VEPH1: variants seen among roughly 807,000 people sequenced by gnomAD.
VEPH1 encodes the protein ventricular zone expressed PH domain containing 1.
In VEPH1, 80 loss-of-function variants were observed where a neutral mutation model predicts 85.2. The observed-to-expected ratio is 0.94, with a 90% CI of 0.78 to 1.13. The LOEUF is 1.13. VEPH1 is among the 50% of genes most tolerant of loss of function. VEPH1 has a pLI of 0.00. For missense variants in VEPH1, 955 were observed against 980.5 expected, an observed-to-expected ratio of 0.97 and a Z score of 0.35; for synonymous variants, 297 against 348.0, an observed-to-expected ratio of 0.85 and a Z score of 1.63.
At chr3:157,276,109 TA>T (rs1380831331) in intron 12 of VEPH1, among the ~76,000 whole-genome samples, 10 of 152,204 alleles carry the variant, frequency 6.6e-5, no homozygotes, top group Non-Finnish European at 1.5e-4. Context: ...ACTGACTTTG[TA>T]ACATCCTACA....
chr3:157,478,662 G>A (rs1163024098), intron 2 of VEPH1, among the ~76,000 whole-genome samples: 1 of 148,486 alleles, frequency 6.7e-6, no homozygotes, highest in Non-Finnish European at 1.5e-5. Flanking sequence ...AAGCCATTGT[G>A]TACAGGATCG....
intron 12 of VEPH1, among the ~76,000 whole-genome samples, chr3:157,276,460 C>T (rs1715400327): frequency 6.6e-6 from 1 of 152,182 alleles, no homozygotes; most frequent in Admixed American, 6.5e-5. Context: ...ACAAGGTCCA[C>T]AGGTGATTCT....
chr3:157,432,677 A>G (rs79506548), intron 4 of VEPH1, among the ~76,000 whole-genome samples: 1 of 152,150 alleles, frequency 6.6e-6, no homozygotes, highest in African/African-American at 2.4e-5. Context: ...CAATAATTTT[A>G]TAATAAATCA....
chr3:157,330,227 C>A (rs1722352851), intron 9 of VEPH1, among the ~76,000 whole-genome samples: 2 of 152,170 alleles, frequency 1.3e-5, no homozygotes. Context: ...TTGAGATTAG[C>A]AAGACCTCTA....
Position 157,481,433 on chromosome 3 carries a change from AAC to A in VEPH1, c.139-10906_139-10905del, listed in dbSNP as rs1177654727. Among the ~76,000 whole-genome samples the A allele has an allele frequency of 5.8e-3, 223 of 38,654 alleles. 1 individual carries two copies. Among genetic ancestry groups the A allele is most frequent in the East Asian group, 0.013 (12 of 920 alleles). The allele number at this position is 38,654 out of a possible 152,430, so 25.4% of individuals were successfully genotyped here. ...CTATTCTAAAATTCATATGGAACCA[AAC>A]ACACACACACACACACACACACACA... On this transcript the variant is annotated intron_variant, in intron 2 of 13. Coordinates refer to ENST00000362010, the MANE Select transcript of VEPH1 (RefSeq NM_001167912.2).
intron 6 of VEPH1, among the ~76,000 whole-genome samples, chr3:157,399,899 T>A (rs1730682438): frequency 6.6e-6 from 1 of 152,134 alleles, no homozygotes; most frequent in South Asian, 2.1e-4. Flanking sequence ...TGAGCCGATT[T>A]TTAGAATAGC....
Position 157,364,298 on chromosome 3 carries a change from T to A in VEPH1, c.1337+5A>T. 1.3e-6 allele frequency: 2 copies of A among 1,591,784 alleles called. No individual in the cohort carries two copies. Among genetic ancestry groups the A allele is most frequent in the Non-Finnish European group, 1.7e-6 (2 of 1,164,616 alleles). On this transcript the variant is annotated splice_donor_5th_base_variant and intron_variant, in intron 8 of 13. Coordinates refer to ENST00000362010, the MANE Select transcript of VEPH1 (RefSeq NM_001167912.2). ...GATTTAAAAAACAAACCAAACGAGT[T>A]ATACCTGTTAAATCTAATGTTTTTT...
chr3:157,485,778 A>G (rs1460451723), intron 2 of VEPH1, among the ~76,000 whole-genome samples: 1 of 152,088 alleles, frequency 6.6e-6, no homozygotes, highest in African/African-American at 2.4e-5. Context: ...CATTAAAGTC[A>G]TCATGACATA....
At chr3:157,345,816 G>A (rs1724149987) in intron 9 of VEPH1, among the ~76,000 whole-genome samples, 1 of 152,190 alleles carries the variant, frequency 6.6e-6, no homozygotes, top group African/African-American at 2.4e-5. Context: ...TTAAGAAAAT[G>A]TGGCATATAT....
intron 9 of VEPH1, among the ~76,000 whole-genome samples, chr3:157,348,171 G>A (rs200542022): frequency 1.3e-5 from 2 of 152,298 alleles, no homozygotes; most frequent in East Asian, 1.9e-4. Context: ...CCTGCCTTGA[G>A]CTGACTAAAC....
rs57109409 is a variant in VEPH1 at position 157,467,125 on chromosome 3, ATGTG to A, written c.354+3185_354+3188del. ...CAAAAAGAAAAGTGTGTGTGTGTGT[ATGTG>A]TGTGTGTGTGTGTGTGTGTGTACAC... On this transcript the variant is annotated intron_variant, in intron 3 of 13. Coordinates refer to ENST00000362010, the MANE Select transcript of VEPH1 (RefSeq NM_001167912.2). 6.2e-5 allele frequency among the ~76,000 whole-genome samples: 9 copies of A among 145,440 alleles called. No individual in the cohort carries two copies. In the South Asian group the frequency reaches 8.7e-4, roughly 14 times the overall value.
intron 6 of VEPH1, among the ~76,000 whole-genome samples, chr3:157,402,024 T>C (rs1730824841): frequency 6.6e-6 from 1 of 152,180 alleles, no homozygotes; most frequent in Non-Finnish European, 1.5e-5. Context: ...TAGATAGGGT[T>C]ATGTTGAGAT....
chr3:157,407,343 G>A (rs775189578), intron 6 of VEPH1, among the ~76,000 whole-genome samples: 15 of 152,244 alleles, frequency 9.9e-5, no homozygotes, highest in Admixed American at 4.6e-4. Flanking sequence ...GGAAAGCAAT[G>A]TACTTCCAGT....
At chr3:157,373,745 C>T (rs78813517) in intron 7 of VEPH1, among the ~76,000 whole-genome samples, 3 of 152,300 alleles carry the variant, frequency 2.0e-5, no homozygotes, top group South Asian at 2.1e-4. Context: ...GGGAAGCCAG[C>T]GCATGGGTGC....
rs1156451280 is a variant in VEPH1, at chr3:157,495,270, T to C, written c.80A>G (p.Glu27Gly). ...AGDLFSLDDSEIEDSLTEALE... is the reference protein window; with the variant it reads ...AGDLFSLDDSGIEDSLTEALE... ...AGCTTCTGTAAGGCTGTCTTCAATC[T>C]CAGAGTCATCTAAGGAGAAGAGGTC... Residue 27 changes from glutamate to glycine, a missense_variant, in exon 2 of 14, where the codon GAG (glutamate) becomes GGG (glycine). Coordinates refer to ENST00000362010, the MANE Select transcript of VEPH1 (RefSeq NM_001167912.2). The C allele has an allele frequency of 1.1e-5, 17 of 1,614,050 alleles. No individual in the cohort carries two copies. The highest frequency in any genetic ancestry group is 1.4e-5 in the Non-Finnish European group (16 of 1,179,918).
intron 2 of VEPH1, among the ~76,000 whole-genome samples, chr3:157,472,850 T>C (rs1404762120): frequency 6.6e-6 from 1 of 152,096 alleles, no homozygotes; most frequent in Non-Finnish European, 1.5e-5. Flanking sequence ...ATGATCTTGC[T>C]CTTTTTTACG....
In VEPH1 at chr3:157,314,433, T is replaced by G. The variant is rs558335247; in HGVS notation, c.1876-678A>C. Reference sequence around the variant, plus strand: ...TTTTTTAACAGAAATTTAAAATTATTTCATAGTATTTTCAAGGCAGTTGAT... The same window carrying G: ...TTTTTTAACAGAAATTTAAAATTATGTCATAGTATTTTCAAGGCAGTTGAT... On this transcript the variant is annotated intron_variant, in intron 10 of 13. Transcript: ENST00000362010. Among the ~76,000 whole-genome samples, 19 of 151,464 alleles carry G rather than the reference T, an allele frequency of 1.3e-4. No homozygotes were observed. In the South Asian group the frequency reaches 4.0e-3, roughly 32 times the overall value.
chr3:157,378,468 G>A (rs1212039369), intron 7 of VEPH1, among the ~76,000 whole-genome samples: 3 of 151,352 alleles, frequency 2.0e-5, no homozygotes, highest in Admixed American at 2.0e-4. Context: ...CTATCATCTA[G>A]TGGGTAGAGG....
chr3:157,275,839 T>C (rs1441271390), intron 12 of VEPH1, among the ~76,000 whole-genome samples: 1 of 150,812 alleles, frequency 6.6e-6, no homozygotes, highest in Non-Finnish European at 1.5e-5. Context: ...TCTCCTTCCA[T>C]GGTTTTACTG....
Sources: gnomAD v4.1 joint callset for allele counts (sites outside exome capture counted in the v4.1 genomes callset) on GRCh38, gnomAD v4.1.1 for gene constraint, MANE v1.5 for transcripts, NCBI Gene and HGNC (gene_info 2026-07-23, HGNC 2026-07-21) for gene names.